NDRG3: variants seen among roughly 807,000 people sequenced by gnomAD.
The protein encoded by NDRG3 is protein NDRG3.
A neutral mutation model predicts 57.2 loss-of-function variants in NDRG3; 23 were observed. The observed-to-expected ratio is 0.40, with a 90% confidence interval of 0.29 to 0.57. The LOEUF (loss-of-function observed/expected upper bound fraction) is 0.57. Among genes scored for constraint, NDRG3 ranks in the 20% least tolerant of loss-of-function variants. NDRG3 has a pLI of 0.42. For missense variants in NDRG3, 384 were observed against 457.3 expected, an observed-to-expected ratio of 0.84 and a Z score of 1.46; for synonymous variants, 132 against 162.6, an observed-to-expected ratio of 0.81 and a Z score of 1.43.
chr20:36,681,782 C>T (rs866006263), intron 7 of NDRG3, among the ~76,000 whole-genome samples: 2 of 151,636 alleles, frequency 1.3e-5, no homozygotes, highest in Non-Finnish European at 2.9e-5. Context: ...ACTACAATCT[C>T]GGCCTCTAGG....
rs922554167 is a variant in NDRG3, at chr20:36,735,201, G to C, written c.-49+10844C>G. On this transcript the variant is annotated intron_variant, in intron 1 of 15. Transcript: ENST00000349004. ...GTTTAACAGTATACAAGTCACCCCA[G>C]TGGCACATGTTGAGCATCTCTAATC... Among the ~76,000 whole-genome samples, 10 of 152,302 alleles carry C rather than the reference G, an allele frequency of 6.6e-5. No individual in the cohort carries two copies. In the East Asian group the frequency reaches 1.9e-3, roughly 29 times the overall value.
chr20:36,675,815 C>G (rs1980640093), intron 8 of NDRG3, among the ~76,000 whole-genome samples: 1 of 152,108 alleles, frequency 6.6e-6, no homozygotes, highest in South Asian at 2.1e-4. Context: ...TATAAACCAC[C>G]GTGCCCAGCC....
chr20:36,736,667 T>C (rs1985624637), intron 1 of NDRG3, among the ~76,000 whole-genome samples: 1 of 152,106 alleles, frequency 6.6e-6, no homozygotes, highest in Non-Finnish European at 1.5e-5. Context: ...TGGGGGCCCT[T>C]AGGAAAGCAA....
At position 36,684,418 on chromosome 20, in the gene NDRG3, G is replaced by T; in HGVS notation, c.378C>A (p.His126Gln). 6.2e-7 allele frequency: 1 copy of T among 1,613,662 alleles called. No homozygotes were observed. Among genetic ancestry groups the T allele is most frequent in the Non-Finnish European group, 8.5e-7 (1 of 1,179,590 alleles). Residue 126 changes from histidine (H) to glutamine (Q), a missense_variant, in exon 6 of 16, where the codon CAC becomes CAA. Transcript: ENST00000349004. ...LAEMLPPVLT[H>Q]LSLKSIIGIG... ...AGACTGCAGAATGAACCTACCTTAGGTGGGTAAGAACAGGAGGCAGCATTT... is the reference window on the plus strand; with the variant it reads ...AGACTGCAGAATGAACCTACCTTAGTTGGGTAAGAACAGGAGGCAGCATTT...
At chr20:36,742,587 G>C (rs890708686) in intron 1 of NDRG3, among the ~76,000 whole-genome samples, 1 of 152,270 alleles carries the variant, frequency 6.6e-6, no homozygotes, top group African/African-American at 2.4e-5. Flanking sequence ...TGGACTTAAT[G>C]ACTCGATGCT....
intron 2 of NDRG3, among the ~76,000 whole-genome samples, chr20:36,711,640 A>G (rs1043629407): frequency 6.6e-6 from 1 of 152,178 alleles, no homozygotes; most frequent in Non-Finnish European, 1.5e-5. Flanking sequence ...CAGAAAGCCA[A>G]TGCCCTCAAG....
chr20:36,734,988 T>C (rs1349823214), intron 1 of NDRG3, among the ~76,000 whole-genome samples: 2 of 151,588 alleles, frequency 1.3e-5, no homozygotes, highest in African/African-American at 2.4e-5. Flanking sequence ...AGAATAAGAA[T>C]AAAAGAGGAA....
intron 9 of NDRG3, among the ~76,000 whole-genome samples, chr20:36,668,241 CAACA>C (rs1460414546): frequency 6.6e-6 from 1 of 152,170 alleles, no homozygotes; most frequent in Non-Finnish European, 1.5e-5. Flanking sequence ...GACCCTGTCT[CAACA>C]AACAAACAAA....
At chr20:36,676,423 C>T (rs933063329) in intron 8 of NDRG3, among the ~76,000 whole-genome samples, 6 of 152,092 alleles carry the variant, frequency 3.9e-5, no homozygotes, top group African/African-American at 1.4e-4. Flanking sequence ...TGGTTCAAAA[C>T]TTTTTCTAAC....
intron 9 of NDRG3, among the ~76,000 whole-genome samples, chr20:36,669,439 C>T (rs938201826): frequency 5.3e-5 from 8 of 152,084 alleles, no homozygotes; most frequent in Non-Finnish European, 1.0e-4. Flanking sequence ...ACCATGTTGG[C>T]CTGGCTGGTC....
At chr20:36,696,637 C>T (rs184323257) in intron 3 of NDRG3, among the ~76,000 whole-genome samples, 14 of 151,852 alleles carry the variant, frequency 9.2e-5, no homozygotes, top group African/African-American at 2.2e-4. Flanking sequence ...GGACTACAGA[C>T]GCGCGCCACC....
intron 10 of NDRG3, among the ~76,000 whole-genome samples, chr20:36,665,909 T>C (rs1979590641): frequency 6.6e-6 from 1 of 152,146 alleles, no homozygotes; most frequent in South Asian, 2.1e-4. Flanking sequence ...AGTGTTTAAT[T>C]TACAGGAATA....
At chr20:36,724,376 T>G (rs1411353743) in intron 1 of NDRG3, among the ~76,000 whole-genome samples, 1 of 152,172 alleles carries the variant, frequency 6.6e-6, no homozygotes, top group Non-Finnish European at 1.5e-5. Flanking sequence ...TATACTTGAT[T>G]GAGCTACTTA....
chr20:36,665,527 T>C (rs1979552607), intron 10 of NDRG3, among the ~76,000 whole-genome samples: 1 of 152,162 alleles, frequency 6.6e-6, no homozygotes, highest in Admixed American at 6.5e-5. Flanking sequence ...TGAAGGACTC[T>C]TTGGGATGCT....
intron 8 of NDRG3, among the ~76,000 whole-genome samples, chr20:36,678,259 C>T (rs1209235442): frequency 6.6e-6 from 1 of 152,060 alleles, no homozygotes; most frequent in Non-Finnish European, 1.5e-5. Context: ...ACCCAGGACG[C>T]ACATACAGAA....
At chr20:36,693,108 ATATATATATATATATATAT>A (rs1982441980) in intron 3 of NDRG3, among the ~76,000 whole-genome samples, 2 of 26,716 alleles carry the variant, frequency 7.5e-5, no homozygotes, top group African/African-American at 4.1e-4. Flanking sequence ...AAAAAAAAAT[ATATATATATATATATATAT>A]ATATATATAT....
chr20:36,740,399 T>C (rs1985869755), intron 1 of NDRG3, among the ~76,000 whole-genome samples: 1 of 152,120 alleles, frequency 6.6e-6, no homozygotes, highest in Non-Finnish European at 1.5e-5. Context: ...CAGGCTGGAG[T>C]GCAATGGTGT....
chr20:36,727,090 T>C (rs1183372125), intron 1 of NDRG3, among the ~76,000 whole-genome samples: 1 of 151,982 alleles, frequency 6.6e-6, no homozygotes, highest in Non-Finnish European at 1.5e-5. Flanking sequence ...CTAATTTTTG[T>C]ATTTTTCAGT....
chr20:36,665,871 T>C (rs1399764743), intron 10 of NDRG3, among the ~76,000 whole-genome samples: 2 of 152,116 alleles, frequency 1.3e-5, no homozygotes, highest in African/African-American at 4.8e-5. Flanking sequence ...GCTGGGATTA[T>C]AGGCATGAGC....
Sources: gnomAD v4.1 joint callset for allele counts (sites outside exome capture counted in the v4.1 genomes callset) on GRCh38, gnomAD v4.1.1 for gene constraint, MANE v1.5 for transcripts, NCBI Gene and HGNC (gene_info 2026-07-23, HGNC 2026-07-21) for gene names.